SMYD3: variants seen among roughly 807,000 people sequenced by gnomAD.
The protein encoded by SMYD3 is histone-lysine N-methyltransferase SMYD3.
A neutral mutation model predicts 57.7 loss-of-function variants in SMYD3; 36 were observed. That is an observed-to-expected ratio of 0.62 (90% CI 0.48 to 0.82). The LOEUF (loss-of-function observed/expected upper bound fraction) is 0.82, where lower values mean the gene tolerates loss of function less well. Ranked by LOEUF, SMYD3 falls within the 40% of genes least tolerant of loss-of-function variation. SMYD3 has a pLI of 0.00. For synonymous variants in SMYD3, 211 were observed against 195.0 expected (o/e 1.08, Z -0.68); for missense variants, 515 against 538.8 (o/e 0.96, Z 0.44).
rs111752099 is a variant in SMYD3 at position 246,082,563 on chromosome 1, C to T, written c.532-152626G>A. On this transcript the variant is annotated intron_variant, in intron 5 of 11. Transcript: ENST00000490107. ...CCCGCCAAACTGTCCATAAAAACCC[C>T]AGCTTCTGAGTTCTTGGTGAGACTG... Among the ~76,000 whole-genome samples, 705 of 152,240 alleles carry T rather than the reference C, an allele frequency of 4.6e-3. 12 individuals carry two copies. The highest frequency in any genetic ancestry group is 0.016 in the African/African-American group (652 of 41,538).
intron 5 of SMYD3, among the ~76,000 whole-genome samples, chr1:245,968,461 T>G (rs1028280836): frequency 1.3e-5 from 2 of 152,122 alleles, no homozygotes; most frequent in Non-Finnish European, 2.9e-5. Context: ...AAAACAATAA[T>G]GGTTAGAACT....
intron 10 of SMYD3, chr1:245,814,264 A>T: frequency 1.7e-6 from 1 of 592,984 alleles, no homozygotes; most frequent in Non-Finnish European, 2.1e-6. Flanking sequence ...TAAACAATTT[A>T]ATAATTTCAG....
rs1262044466 is a variant in SMYD3 at position 246,196,785 on chromosome 1, G to T, written c.531+130416C>A. Among the ~76,000 whole-genome samples the T allele has an allele frequency of 2.6e-5, 4 of 152,216 alleles. No homozygotes were observed. In the East Asian group the frequency reaches 7.7e-4, roughly 29 times the overall value. Reference sequence around the variant, plus strand: ...AACTTTCATAGGGCCTAGAAGCAAAGAAAACTCATTAGCAATAAACATAAA... The same window carrying T: ...AACTTTCATAGGGCCTAGAAGCAAATAAAACTCATTAGCAATAAACATAAA... On this transcript the variant is annotated intron_variant, in intron 5 of 11. Coordinates refer to ENST00000490107, the MANE Select transcript of SMYD3 (RefSeq NM_001167740.2).
At chr1:246,130,672 T>C (rs1295327348) in intron 5 of SMYD3, among the ~76,000 whole-genome samples, 2 of 152,220 alleles carry the variant, frequency 1.3e-5, no homozygotes, top group Admixed American at 6.5e-5. Flanking sequence ...AGTAGTTACA[T>C]GCCACTCATT....
chr1:246,486,897 G>A (rs1451170279), intron 1 of SMYD3, among the ~76,000 whole-genome samples: 1 of 152,166 alleles, frequency 6.6e-6, no homozygotes, highest in Non-Finnish European at 1.5e-5. Flanking sequence ...ATAAGACTTA[G>A]AGGAGCATAA....
rs181596269 is a variant in SMYD3, at chr1:246,395,574, G to A, written c.165-40480C>T. On this transcript the variant is annotated intron_variant, in intron 1 of 11. Coordinates refer to ENST00000490107, the MANE Select transcript of SMYD3 (RefSeq NM_001167740.2). ...AGTGGACAATGTGCACTACTACTGC[G>A]AGTGGACCCCCACGGTCAGACAGGG... 1.6e-3 allele frequency among the ~76,000 whole-genome samples: 227 copies of A among 143,190 alleles called. 2 individuals carry two copies. The highest frequency in any genetic ancestry group is 5.2e-3 in the African/African-American group (200 of 38,348). The allele number at this position is 143,190 out of a possible 152,430, so 93.9% of individuals were successfully genotyped here.
intron 5 of SMYD3, among the ~76,000 whole-genome samples, chr1:246,192,510 C>T (rs748474884): frequency 9.2e-5 from 14 of 152,174 alleles, no homozygotes; most frequent in Non-Finnish European, 1.6e-4. Context: ...CCTACCTCAG[C>T]CTCCCAAAGT....
chr1:246,276,590 C>T (rs2064338416), intron 5 of SMYD3, among the ~76,000 whole-genome samples: 1 of 151,152 alleles, frequency 6.6e-6, no homozygotes, highest in South Asian at 2.1e-4. Flanking sequence ...TGTTTGAACA[C>T]TAACTCCATT....
At chr1:245,959,253 T>C (rs1289419836) in intron 5 of SMYD3, among the ~76,000 whole-genome samples, 1 of 152,146 alleles carries the variant, frequency 6.6e-6, no homozygotes, top group Non-Finnish European at 1.5e-5. Flanking sequence ...TGAGCCACCA[T>C]GCCCGGCCAA....
chr1:245,757,895 T>C (rs2045677513), intron 11 of SMYD3, among the ~76,000 whole-genome samples: 1 of 152,176 alleles, frequency 6.6e-6, no homozygotes, highest in East Asian at 1.9e-4. Flanking sequence ...AAGACTGCTT[T>C]TGGCTATTTG....
chr1:246,071,306 G>A (rs1465347483), intron 5 of SMYD3, among the ~76,000 whole-genome samples: 1 of 152,176 alleles, frequency 6.6e-6, no homozygotes, highest in Admixed American at 6.5e-5. Flanking sequence ...AATGCCAGCA[G>A]TGGCTACTTC....
chr1:246,284,963 C>CTTT (rs35254468), intron 5 of SMYD3, among the ~76,000 whole-genome samples: 69 of 146,038 alleles, frequency 4.7e-4, no homozygotes, highest in African/African-American at 1.1e-3. Flanking sequence ...ACTGCCTTTC[C>CTTT]TTTTTTTTTT....
intron 5 of SMYD3, among the ~76,000 whole-genome samples, chr1:246,064,288 T>C (rs2060304470): frequency 6.6e-6 from 1 of 152,208 alleles, no homozygotes; most frequent in South Asian, 2.1e-4. Flanking sequence ...AGGGCCTTTT[T>C]CTGATGTGCC....
At chr1:246,100,077 G>A (rs2060982228) in intron 5 of SMYD3, among the ~76,000 whole-genome samples, 1 of 152,194 alleles carries the variant, frequency 6.6e-6, no homozygotes, top group South Asian at 2.1e-4. Context: ...CAGGCATGAT[G>A]GCTCATGCTG....
At chr1:246,481,607 T>TATATATATATATATATACACAC (rs1156393004) in intron 1 of SMYD3, among the ~76,000 whole-genome samples, 5 of 61,972 alleles carry the variant, frequency 8.1e-5, no homozygotes, top group Admixed American at 2.3e-4. Context: ...TATATATATA[T>TATATATATATATATATACACAC]ACACATACAT....
intron 1 of SMYD3, among the ~76,000 whole-genome samples, chr1:246,405,675 G>A (rs534196325): frequency 1.3e-5 from 2 of 152,196 alleles, no homozygotes; most frequent in Non-Finnish European, 2.9e-5. Context: ...TTGGGAGGCC[G>A]AGGCGGGCGG....
chr1:246,106,788 A>T (rs2061131353), intron 5 of SMYD3, among the ~76,000 whole-genome samples: 1 of 152,146 alleles, frequency 6.6e-6, no homozygotes, highest in Non-Finnish European at 1.5e-5. Context: ...CATGGGGACA[A>T]TGGAGGCAGT....
intron 11 of SMYD3, among the ~76,000 whole-genome samples, chr1:245,760,315 G>A (rs2045791298): frequency 6.6e-6 from 1 of 152,206 alleles, no homozygotes; most frequent in Non-Finnish European, 1.5e-5. Flanking sequence ...GTGCCCGTCT[G>A]AAGATGACAT....
Position 246,133,980 on chromosome 1 carries a change from T to C in SMYD3, c.531+193221A>G, listed in dbSNP as rs1438096402. On this transcript the variant is annotated intron_variant, in intron 5 of 11. Coordinates refer to ENST00000490107, the MANE Select transcript of SMYD3 (RefSeq NM_001167740.2). ...GAAATGTATTCTTGTTATGGTCAAC[T>C]AATTAAAAGTGCATTGTATCTGGAC... is the stretch of plus-strand genomic sequence containing the variant. Among the ~76,000 whole-genome samples, 3 of 152,164 alleles carry C rather than the reference T, an allele frequency of 2.0e-5. 1 individual carries two copies. The highest frequency in any genetic ancestry group is 4.4e-5 in the Non-Finnish European group (3 of 67,994).
Sources: allele counts gnomAD v4.1 joint callset (sites outside exome capture counted in the v4.1 genomes callset), GRCh38; gene constraint gnomAD v4.1.1; transcripts MANE v1.5; gene names NCBI Gene and HGNC (gene_info 2026-07-23, HGNC 2026-07-21).